SEZ6L2: variants seen among roughly 807,000 people sequenced by gnomAD.
SEZ6L2 encodes the protein seizure 6-like protein 2.
SEZ6L2 carries 44 observed loss-of-function variants against 97.0 expected under a neutral mutation model. The observed-to-expected ratio is 0.45, with a 90% CI of 0.36 to 0.58. The LOEUF (loss-of-function observed/expected upper bound fraction) is 0.58. SEZ6L2 is among the 20% of genes least tolerant of loss of function. The pLI, the probability that SEZ6L2 is intolerant of heterozygous loss-of-function variation, is 0.00. For synonymous variants in SEZ6L2, 543 were observed against 546.1 expected (o/e 0.99, Z 0.08); for missense variants, 1,086 against 1,233.3 (o/e 0.88, Z 1.79).
chr16:29,872,357 C>T (rs2067801844), intron 16 of SEZ6L2, 52 bp downstream of exon 16: 3 of 1,605,160 alleles, frequency 1.9e-6, no homozygotes, highest in Non-Finnish European at 2.6e-6. Flanking sequence ...GCTCCAGTGC[C>T]AGGCTCGCAA....
chr16:29,873,352 G>A lies in SEZ6L2; in HGVS notation c.2376C>T (p.Gly792=). 1 of 1,614,220 alleles carries A rather than the reference G, an allele frequency of 6.2e-7. No individual in the cohort carries two copies. Among genetic ancestry groups the A allele is most frequent in the Non-Finnish European group, 8.5e-7 (1 of 1,180,040 alleles). The change falls in exon 14 of 18, where the codon GGC becomes GGT. Residue 792 remains glycine, a synonymous_variant. Coordinates refer to ENST00000617533, the MANE Select transcript of SEZ6L2 (RefSeq NM_001243332.2). The surrounding 1 kb of genome is among the most constrained non-coding windows in gnomAD (Gnocchi z 4.3). ...CATAGCAGAAGAAGCGCAGAGACTC[G>A]CCCGCCTGGTAGTGGTGCTTGTACA... The part of the protein sequence containing the change: ...QTLYKHHYQA[G]ESLRFFCYEG...
rs147919402 is a variant in SEZ6L2 at position 29,887,773 on chromosome 16, C to G, written c.1084G>C (p.Val362Leu). ...TIHNATLGRI[V>L]SPEPGGAVGP... ...ACGGCTCCCCCAGGCTCTGGGGACA[C>G]GATGCGGCCCAGGGTGGCATTGTGG... Residue 362 changes from valine (V) to leucine (L), a missense_variant, in exon 7 of 18, where the codon GTG (valine) becomes CTG (leucine). Transcript: ENST00000617533. 1 of 1,613,702 alleles carries G rather than the reference C, an allele frequency of 6.2e-7. No homozygotes were observed. Among genetic ancestry groups the G allele is most frequent in the Admixed American group, 1.7e-5 (1 of 59,956 alleles).
At chr16:29,898,545 A>T (rs1490597302) in intron 1 of SEZ6L2, among the ~76,000 whole-genome samples, 2 of 151,018 alleles carry the variant, frequency 1.3e-5, no homozygotes, top group Admixed American at 6.6e-5. Flanking sequence ...CTGGTCTTTG[A>T]GCCCTGCCTC....
In SEZ6L2 at chr16:29,876,088, C is replaced by T. The variant is rs1414173186; in HGVS notation, c.2104+668G>A. On this transcript the variant is annotated intron_variant, in intron 12 of 17. Transcript: ENST00000617533. The surrounding 1 kb of genome is among the most constrained non-coding windows in gnomAD (Gnocchi z 6.5). ...ACTTTCCATCTGCTCTTCACAACCT[C>T]AGTCCTACTTCGCCGATGGGGAAAC... Among the ~76,000 whole-genome samples the T allele has an allele frequency of 1.3e-5, 2 of 152,176 alleles. No individual in the cohort carries two copies. The highest frequency in any genetic ancestry group is 2.9e-5 in the Non-Finnish European group (2 of 68,048).
chr16:29,877,265 C>T lies in SEZ6L2; in HGVS notation c.1909+6G>A. On this transcript the variant is annotated splice_donor_region_variant and intron_variant, in intron 11 of 17. Coordinates refer to ENST00000617533, the MANE Select transcript of SEZ6L2 (RefSeq NM_001243332.2). ...CTGCCCATCCCGGGACTCTATCCCT[C>T]AGTACCTTTGAAGTGCAATACGAAG... 6.4e-7 allele frequency: 1 copy of T among 1,574,572 alleles called. No homozygotes were observed. The highest frequency in any genetic ancestry group is 8.6e-7 in the Non-Finnish European group (1 of 1,159,864).
intron 8 of SEZ6L2, among the ~76,000 whole-genome samples, chr16:29,884,556 C>T (rs2068093560): frequency 6.6e-6 from 1 of 151,700 alleles, no homozygotes; most frequent in Non-Finnish European, 1.5e-5. Flanking sequence ...CGCGCCACTG[C>T]ACTCCAGCCT....
At chr16:29,885,258 A>G (rs2068112682) in intron 8 of SEZ6L2, among the ~76,000 whole-genome samples, 1 of 152,140 alleles carries the variant, frequency 6.6e-6, no homozygotes, top group Non-Finnish European at 1.5e-5. Flanking sequence ...GTGGTATGTA[A>G]GTCGGCAGCT....
In SEZ6L2 at chr16:29,876,699, C is replaced by A; in HGVS notation, c.2104+57G>T. The A allele has an allele frequency of 6.9e-7, 1 of 1,458,380 alleles. No individual in the cohort carries two copies. Among genetic ancestry groups the A allele is most frequent in the Non-Finnish European group, 9.2e-7 (1 of 1,092,472 alleles). 90.3% of individuals were successfully genotyped at this position (1,458,380 alleles called of 1,614,324 possible). A position where few individuals can be genotyped will look rare whatever the true frequency, so the allele number is the denominator to read the frequency against. On this transcript the variant is annotated intron_variant, in intron 12 of 17. Coordinates refer to ENST00000617533, the MANE Select transcript of SEZ6L2 (RefSeq NM_001243332.2). This position sits in a 1 kb window ranked among gnomAD's most constrained non-coding sequence, Gnocchi z 6.5. ...CGGGGGTCGGGACAGGACAGGCCGA[C>A]GACGGGGCCCACAGGGAAGGGGCGG...
Position 29,896,818 on chromosome 16 carries a change from T to C in SEZ6L2, c.511+4A>G, listed in dbSNP as rs774406147. ...CCACCCCCATCCCCTTGCTGTCGCC[T>C]CACCTGGGCTGGTCACCGTAGTGGT... On this transcript the variant is annotated splice_donor_region_variant and intron_variant, in intron 3 of 17. Transcript: ENST00000617533. The C allele has an allele frequency of 1.8e-5, 29 of 1,612,800 alleles. No individual in the cohort carries two copies. Among genetic ancestry groups the C allele is most frequent in the Non-Finnish European group, 2.5e-6 (3 of 1,179,272 alleles).
intron 5 of SEZ6L2, among the ~76,000 whole-genome samples, chr16:29,890,672 C>T (rs1345767152): frequency 1.3e-5 from 2 of 151,926 alleles, no homozygotes; most frequent in East Asian, 3.9e-4. Context: ...CTACATCTCT[C>T]CAACAGTTAC....
Position 29,895,375 on chromosome 16 carries a change from G to T in SEZ6L2, c.737C>A (p.Ala246Asp). ...GSPGLAPRLL[A>D]NSSMLGEGQV... ...TCCTTCTCCAAGCATGGATGAGTTGGCCAGGAGTCGGGGGGCCAGGCCTGG... is the reference window on the plus strand; with the variant it reads ...TCCTTCTCCAAGCATGGATGAGTTGTCCAGGAGTCGGGGGGCCAGGCCTGG... Residue 246 changes from alanine (A) to aspartate (D), a missense_variant, in exon 5 of 18, where the codon GCC (alanine) becomes GAC (aspartate). Physicochemically the swap from Ala to Asp is moderately radical, Grantham distance 126. Transcript: ENST00000617533. 6.2e-7 allele frequency: 1 copy of T among 1,614,080 alleles called. No homozygotes were observed. The highest frequency in any genetic ancestry group is 2.2e-5 in the East Asian group (1 of 44,864).
rs1291918308 is a variant in SEZ6L2, at chr16:29,876,965, A to G, written c.1910-15T>C. 6.3e-7 allele frequency: 1 copy of G among 1,585,786 alleles called. No homozygotes were observed. The highest frequency in any genetic ancestry group is 8.6e-7 in the Non-Finnish European group (1 of 1,160,922). ...CCTCGGGACCTCTGCAGGGGAGGGA[A>G]GGCGAGTTTGGAGGCTGCGTTTTAA... On this transcript the variant is annotated splice_polypyrimidine_tract_variant and intron_variant, in intron 11 of 17. Coordinates refer to ENST00000617533, the MANE Select transcript of SEZ6L2 (RefSeq NM_001243332.2). The surrounding 1 kb of genome is among the most constrained non-coding windows in gnomAD (Gnocchi z 6.5).
Position 29,899,075 on chromosome 16 carries a change from C to T in SEZ6L2, c.-56G>A, listed in dbSNP as rs1331315596. On this transcript the variant is annotated 5_prime_UTR_variant, in exon 1 of 18. Coordinates refer to ENST00000617533, the MANE Select transcript of SEZ6L2 (RefSeq NM_001243332.2). ...CCTCTCTAAGTAATCTGGCTGCCAC[C>T]TTTCCTCCGTCTCCGTTTATCTTTC... 5.0e-6 allele frequency: 6 copies of T among 1,197,134 alleles called. No homozygotes were observed. The highest frequency in any genetic ancestry group is 7.2e-6 in the Non-Finnish European group (6 of 834,346). The allele number at this position is 1,197,134 out of a possible 1,614,324, so 74.2% of individuals were successfully genotyped here.
chr16:29,896,873 T>C lies in SEZ6L2; in HGVS notation c.460A>G (p.Thr154Ala), dbSNP rs756571449. The C allele has an allele frequency of 5.0e-6, 8 of 1,613,084 alleles. No individual in the cohort carries two copies. The East Asian group carries it at 1.8e-4, about 36-fold the overall frequency. ...LGPEGGEEET[T>A]TTIITTTTVT... ...GTTGTCGTGGTGATGATGGTGGTCG[T>C]CGTCTCCTCCTCTCCTCCCTCAGGC... Residue 154 changes from threonine to alanine, a missense_variant, in exon 3 of 18, where the codon ACG becomes GCG. Thr to Ala is a moderately conservative substitution (Grantham distance 58, BLOSUM62 0). Transcript: ENST00000617533.
chr16:29,878,763 C>CT (rs529820559), intron 9 of SEZ6L2, among the ~76,000 whole-genome samples: 8,016 of 127,858 alleles, frequency 0.063, 344 homozygotes, highest in African/African-American at 0.12. Context: ...TTTCTTTTTT[C>CT]TTTTTTTTTT....
intron 5 of SEZ6L2, among the ~76,000 whole-genome samples, chr16:29,892,975 C>CA (rs1171278469): frequency 6.6e-6 from 1 of 152,168 alleles, no homozygotes; most frequent in Non-Finnish European, 1.5e-5. Context: ...CCTTTCCTGC[C>CA]CCCAGAAGTC....
At chr16:29,893,552 C>T (rs1028694537) in intron 5 of SEZ6L2, among the ~76,000 whole-genome samples, 3 of 149,398 alleles carry the variant, frequency 2.0e-5, no homozygotes, top group African/African-American at 7.4e-5. Context: ...GAGGCTGAGA[C>T]AGGAGAATCA....
In SEZ6L2 at chr16:29,873,034, G is replaced by A. The variant is rs1158989910; in HGVS notation, c.2488+206C>T. Among the ~76,000 whole-genome samples the A allele has an allele frequency of 6.6e-6, 1 of 152,202 alleles. No individual in the cohort carries two copies. Among genetic ancestry groups the A allele is most frequent in the Non-Finnish European group, 1.5e-5 (1 of 68,032 alleles). Reference sequence around the variant, plus strand: ...TCAGAGCAAGGGACTTCCAAGCCAAGGCCCCCTCTACTACACCCCTGAGCC... The same window carrying A: ...TCAGAGCAAGGGACTTCCAAGCCAAAGCCCCCTCTACTACACCCCTGAGCC... On this transcript the variant is annotated intron_variant, in intron 14 of 17. Coordinates refer to ENST00000617533, the MANE Select transcript of SEZ6L2 (RefSeq NM_001243332.2). This position sits in a 1 kb window ranked among gnomAD's most constrained non-coding sequence, Gnocchi z 4.3.
At chr16:29,879,225 T>C (rs1034217258) in intron 9 of SEZ6L2, among the ~76,000 whole-genome samples, 1 of 144,536 alleles carries the variant, frequency 6.9e-6, no homozygotes, top group Non-Finnish European at 1.5e-5. Context: ...TTCTTTTTTC[T>C]TTCTTTCTTT....
Sources: allele counts gnomAD v4.1 joint callset (sites outside exome capture counted in the v4.1 genomes callset), GRCh38; gene constraint gnomAD v4.1.1; non-coding constraint Gnocchi (gnomAD v3.1); transcripts MANE v1.5; gene names NCBI Gene and HGNC (gene_info 2026-07-23, HGNC 2026-07-21).